Variants in OPCML observed in about 807,000 individuals in gnomAD.
OPCML encodes the protein opioid binding protein/cell adhesion molecule like.
A neutral mutation model predicts 37.8 loss-of-function variants in OPCML; 13 were observed. That is an observed-to-expected ratio of 0.34 (90% CI 0.22 to 0.55). The LOEUF (loss-of-function observed/expected upper bound fraction) is 0.55. Among genes scored for constraint, OPCML ranks in the 20% least tolerant of loss-of-function variants. The pLI, the probability that OPCML is intolerant of heterozygous loss-of-function variation, is 0.91. For missense variants in OPCML, 341 were observed against 435.6 expected, an observed-to-expected ratio of 0.78 and a Z score of 1.93; for synonymous variants, 176 against 168.8, an observed-to-expected ratio of 1.04 and a Z score of -0.33.
chr11:133,109,793 A>G (rs1204810871), intron 1 of OPCML, among the ~76,000 whole-genome samples: 1 of 152,212 alleles, frequency 6.6e-6, no homozygotes, highest in Admixed American at 6.5e-5. Context: ...GATCAGACCT[A>G]GAAAGGGAGG....
At chr11:133,122,146 C>T (rs561711376) in intron 1 of OPCML, among the ~76,000 whole-genome samples, 2 of 152,102 alleles carry the variant, frequency 1.3e-5, no homozygotes, top group Admixed American at 6.6e-5. Context: ...TAACACTAGT[C>T]GAATATGGGT....
intron 1 of OPCML, among the ~76,000 whole-genome samples, chr11:133,263,530 T>C (rs1941557726): frequency 6.6e-6 from 1 of 152,098 alleles, no homozygotes; most frequent in African/African-American, 2.4e-5. Context: ...TGTGTTTAAG[T>C]GTACTCTATG....
chr11:133,023,231 A>C (rs999694087), intron 1 of OPCML, among the ~76,000 whole-genome samples: 1 of 152,164 alleles, frequency 6.6e-6, no homozygotes, highest in African/African-American at 2.4e-5. Flanking sequence ...GTTCCCTGTA[A>C]TTATCTGCTT....
intron 1 of OPCML, among the ~76,000 whole-genome samples, chr11:133,486,293 A>C (rs893917185): frequency 6.6e-6 from 1 of 151,880 alleles, no homozygotes; most frequent in Admixed American, 6.6e-5. Context: ...TCTTTCCTCA[A>C]CTCCAGTCAA....
chr11:132,813,867 A>C (rs770237053), intron 2 of OPCML, among the ~76,000 whole-genome samples: 8 of 152,084 alleles, frequency 5.3e-5, no homozygotes, highest in Non-Finnish European at 1.0e-4. Context: ...CCTCAGCTTA[A>C]ATGGAATCTC....
chr11:132,850,412 G>A (rs1941752251), intron 2 of OPCML, among the ~76,000 whole-genome samples: 1 of 152,118 alleles, frequency 6.6e-6, no homozygotes, highest in Non-Finnish European at 1.5e-5. Context: ...CTCAAACTTG[G>A]AACACGTTAA....
rs151203012 is a variant in OPCML at position 132,597,401 on chromosome 11, G to T, written c.379+59686C>A. Among the ~76,000 whole-genome samples, 1,260 of 152,230 alleles carry T rather than the reference G, an allele frequency of 8.3e-3. 59 individuals carry two copies. The highest frequency in any genetic ancestry group is 1.8e-3 in the Non-Finnish European group (123 of 68,008). On this transcript the variant is annotated intron_variant, in intron 3 of 7. Coordinates refer to ENST00000524381, the MANE Select transcript of OPCML (RefSeq NM_001012393.5). Reference sequence around the variant, plus strand: ...TCTAAAGGCTTTTAACATATGGCTGGCATATATCTGCTTGCCCCGTGATGA... The same window carrying T: ...TCTAAAGGCTTTTAACATATGGCTGTCATATATCTGCTTGCCCCGTGATGA...
chr11:133,042,706 G>GGGGTAGAC (rs1947929806), intron 1 of OPCML, among the ~76,000 whole-genome samples: 1 of 152,146 alleles, frequency 6.6e-6, no homozygotes, highest in South Asian at 2.1e-4. Flanking sequence ...GGGAACCACA[G>GGGGTAGAC]GGGTAGACGC....
chr11:132,485,696 A>G (rs773780130), intron 4 of OPCML, among the ~76,000 whole-genome samples: 8 of 152,140 alleles, frequency 5.3e-5, no homozygotes, highest in Non-Finnish European at 1.0e-4. Context: ...TAATTTGTTT[A>G]TTTTGAAGTT....
At chr11:133,014,094 A>G (rs571259240) in intron 1 of OPCML, among the ~76,000 whole-genome samples, 2 of 152,294 alleles carry the variant, frequency 1.3e-5, no homozygotes, top group South Asian at 4.2e-4. Flanking sequence ...CTCCACATGA[A>G]CAAGCTTTAC....
At chr11:132,914,919 T>C (rs1944555844) in intron 2 of OPCML, among the ~76,000 whole-genome samples, 1 of 152,256 alleles carries the variant, frequency 6.6e-6, no homozygotes, top group African/African-American at 2.4e-5. Flanking sequence ...CTGCAGCTGA[T>C]TTGCTTTATG....
At chr11:133,196,282 C>T (rs890266346) in intron 1 of OPCML, among the ~76,000 whole-genome samples, 2 of 152,178 alleles carry the variant, frequency 1.3e-5, no homozygotes, top group Non-Finnish European at 2.9e-5. Flanking sequence ...TTCTCAAACA[C>T]GTTGGTGATT....
chr11:132,554,380 C>A (rs1565660247), intron 3 of OPCML, among the ~76,000 whole-genome samples: 1 of 152,206 alleles, frequency 6.6e-6, no homozygotes, highest in Non-Finnish European at 1.5e-5. Flanking sequence ...TGTGTCAAAT[C>A]AAAGTCTGTC....
chr11:132,783,549 G>A (rs1036638798), intron 2 of OPCML, among the ~76,000 whole-genome samples: 1 of 152,072 alleles, frequency 6.6e-6, no homozygotes, highest in Admixed American at 6.6e-5. Context: ...ACTTTTTGGA[G>A]TTTCCTTTCT....
intron 4 of OPCML, among the ~76,000 whole-genome samples, chr11:132,450,931 T>G (rs74705123): frequency 0.031 from 4,687 of 152,268 alleles, 211 homozygotes; most frequent in East Asian, 0.17. Context: ...TCAGTAGCTG[T>G]TTGAAAAGTA....
intron 4 of OPCML, among the ~76,000 whole-genome samples, chr11:132,506,995 A>G (rs2096258479): frequency 6.6e-6 from 1 of 152,090 alleles, no homozygotes; most frequent in Non-Finnish European, 1.5e-5. Flanking sequence ...TCAGACTAAT[A>G]CAAATCTTTT....
At chr11:132,511,757 G>T (rs2096269300) in intron 4 of OPCML, among the ~76,000 whole-genome samples, 1 of 151,862 alleles carries the variant, frequency 6.6e-6, no homozygotes, top group South Asian at 2.1e-4. Flanking sequence ...TAACTCACAT[G>T]GATCTTACAG....
In OPCML at chr11:132,545,040, T is replaced by C. The variant is rs1162335173; in HGVS notation, c.380-15854A>G. Among the ~76,000 whole-genome samples, 5 of 152,344 alleles carry C rather than the reference T, an allele frequency of 3.3e-5. No individual in the cohort carries two copies. The East Asian group carries it at 9.6e-4, about 29-fold the overall frequency. On this transcript the variant is annotated intron_variant, in intron 3 of 7. Transcript: ENST00000524381. ...CATCTCCAAATAATACTTTTAATTG[T>C]TTCATTAAACATTGTCTATTTTTAT...
intron 3 of OPCML, among the ~76,000 whole-genome samples, chr11:132,619,552 T>C (rs3016501): frequency 0.16 from 24,668 of 151,662 alleles, 3,010 homozygotes; most frequent in East Asian, 0.65. Flanking sequence ...AAAATTGGCC[T>C]AAAACGGCCG....
Sources: allele counts gnomAD v4.1 joint callset (sites outside exome capture counted in the v4.1 genomes callset), GRCh38; gene constraint gnomAD v4.1.1; transcripts MANE v1.5; gene names NCBI Gene and HGNC (gene_info 2026-07-23, HGNC 2026-07-21).